ANO4: variants seen among roughly 807,000 people sequenced by gnomAD.
ANO4 encodes the protein anoctamin-4.
ANO4 carries 69 observed loss-of-function variants against 141.9 expected under a neutral mutation model. The observed-to-expected ratio is 0.49, with a 90% CI of 0.40 to 0.59. The LOEUF (loss-of-function observed/expected upper bound fraction) is 0.59. Among genes scored for constraint, ANO4 ranks in the 20% least tolerant of loss-of-function variants. ANO4 has a pLI of 0.00. For missense variants in ANO4, 894 were observed against 1,162.2 expected, an observed-to-expected ratio of 0.77 and a Z score of 3.36; for synonymous variants, 350 against 394.3, an observed-to-expected ratio of 0.89 and a Z score of 1.33.
At chr12:100,729,360 C>CAAAAAAAAAAAAAAAAAAAAAA (rs1156522144) in intron 1 of ANO4, among the ~76,000 whole-genome samples, 3 of 22,568 alleles carry the variant, frequency 1.3e-4, no homozygotes, top group Admixed American at 9.2e-4. Flanking sequence ...AACTCTGTCT[C>CAAAAAAAAAAAAAAAAAAAAAA]AAAAAAAAAA....
intron 9 of ANO4, among the ~76,000 whole-genome samples, chr12:101,036,833 A>G (rs1185364103): frequency 1.3e-5 from 2 of 152,354 alleles, no homozygotes; most frequent in Middle Eastern, 3.4e-3. Flanking sequence ...CATAATGTAT[A>G]TGCATATCAA....
At chr12:101,075,199 T>C (rs1227255648) in intron 14 of ANO4, among the ~76,000 whole-genome samples, 4 of 151,986 alleles carry the variant, frequency 2.6e-5, no homozygotes, top group East Asian at 1.9e-4. Flanking sequence ...GCTAAGGAAA[T>C]GGTGTGGGCA....
intron 1 of ANO4, among the ~76,000 whole-genome samples, chr12:100,886,569 C>G (rs2135974241): frequency 6.6e-6 from 1 of 152,230 alleles, no homozygotes; most frequent in East Asian, 1.9e-4. Context: ...CAATACCCAC[C>G]ACTCTCTTTG....
intron 8 of ANO4, among the ~76,000 whole-genome samples, chr12:101,004,509 C>T (rs867757027): frequency 6.6e-6 from 1 of 152,156 alleles, no homozygotes; most frequent in African/African-American, 2.4e-5. Context: ...ACCTGTTCTC[C>T]CTTCCAGTCT....
At chr12:100,766,240 C>G (rs181486827) in intron 3 of ANO4, among the ~76,000 whole-genome samples, 2 of 152,142 alleles carry the variant, frequency 1.3e-5, no homozygotes, top group East Asian at 3.9e-4. Context: ...GTTGTCTGTG[C>G]TCTTATTTCT....
At chr12:101,055,768 A>G (rs1324967663) in intron 14 of ANO4, among the ~76,000 whole-genome samples, 2 of 151,996 alleles carry the variant, frequency 1.3e-5, no homozygotes, top group African/African-American at 4.8e-5. Flanking sequence ...TTTCGTCTAT[A>G]TTGTCTTCTA....
chr12:100,958,741 G>T (rs908791773), intron 5 of ANO4, among the ~76,000 whole-genome samples: 1 of 152,170 alleles, frequency 6.6e-6, no homozygotes, highest in Non-Finnish European at 1.5e-5. Context: ...CGAGCTACTT[G>T]GGAGGCTGAG....
intron 14 of ANO4, among the ~76,000 whole-genome samples, chr12:101,050,404 G>T (rs1475724521): frequency 1.3e-5 from 2 of 152,092 alleles, no homozygotes; most frequent in Non-Finnish European, 2.9e-5. Context: ...TACCCTTAAT[G>T]CTTCTCTGTC....
At chr12:100,901,023 A>G (rs1243285748) in intron 1 of ANO4, among the ~76,000 whole-genome samples, 1 of 152,208 alleles carries the variant, frequency 6.6e-6, no homozygotes, top group Non-Finnish European at 1.5e-5. Context: ...GATGTAATCA[A>G]TTCTACTTTT....
intron 1 of ANO4, among the ~76,000 whole-genome samples, chr12:100,817,310 A>G (rs1010214516): frequency 6.6e-6 from 1 of 151,918 alleles, no homozygotes; most frequent in Non-Finnish European, 1.5e-5. Context: ...TATTAATAAT[A>G]TAACTGGTTT....
chr12:100,906,920 G>A (rs578027993), intron 2 of ANO4, among the ~76,000 whole-genome samples: 72 of 152,288 alleles, frequency 4.7e-4, no homozygotes, highest in African/African-American at 1.7e-3. Flanking sequence ...TGACCACTGG[G>A]AAGATCCAGG....
intron 3 of ANO4, among the ~76,000 whole-genome samples, chr12:100,744,376 G>A (rs958052080): frequency 2.0e-5 from 3 of 152,168 alleles, no homozygotes; most frequent in Non-Finnish European, 2.9e-5. Flanking sequence ...GGCACTGACC[G>A]ATTTGGCGTC....
At position 100,841,108 on chromosome 12, in the gene ANO4, A is replaced by G. The variant is rs538223045; in HGVS notation, c.-141+46081A>G. Among the ~76,000 whole-genome samples the G allele has an allele frequency of 2.4e-4, 37 of 152,284 alleles. No individual in the cohort carries two copies. The South Asian group carries it at 5.4e-3, about 22-fold the overall frequency. On this transcript the variant is annotated intron_variant, in intron 1 of 27. Coordinates refer to ENST00000392977, the MANE Select transcript of ANO4 (RefSeq NM_001286615.2). ...CTGTGCCTCATCATATAGTTACTGA[A>G]CCAGAAATGAGGGGAGAAGATCTCA...
intron 1 of ANO4, among the ~76,000 whole-genome samples, chr12:100,872,302 A>G (rs1287247195): frequency 6.6e-6 from 1 of 152,216 alleles, no homozygotes; most frequent in Non-Finnish European, 1.5e-5. Context: ...GGATCCTGTC[A>G]TAGTCAGAGT....
At chr12:100,786,755 T>G (rs913685818) in intron 3 of ANO4, among the ~76,000 whole-genome samples, 8 of 152,220 alleles carry the variant, frequency 5.3e-5, no homozygotes, top group African/African-American at 1.9e-4. Context: ...TGGGATAAAT[T>G]AATGCCTGTG....
intron 3 of ANO4, among the ~76,000 whole-genome samples, chr12:100,930,265 G>A (rs1030639524): frequency 6.6e-6 from 1 of 152,094 alleles, no homozygotes; most frequent in Non-Finnish European, 1.5e-5. Context: ...CCAGTCCAAT[G>A]TTCTGGAGAG....
chr12:101,063,479 A>G (rs1016210013), intron 14 of ANO4, among the ~76,000 whole-genome samples: 1 of 152,228 alleles, frequency 6.6e-6, no homozygotes, highest in East Asian at 1.9e-4. Flanking sequence ...TTGCTAAAAT[A>G]CTTTCAGGAT....
intron 8 of ANO4, among the ~76,000 whole-genome samples, chr12:101,005,863 T>A (rs2045850412): frequency 6.6e-6 from 1 of 152,150 alleles, no homozygotes; most frequent in South Asian, 2.1e-4. Flanking sequence ...CTCTTACTTT[T>A]TTCTTCTCTT....
intron 8 of ANO4, among the ~76,000 whole-genome samples, chr12:101,006,860 A>G (rs2136427899): frequency 6.6e-6 from 1 of 152,320 alleles, no homozygotes; most frequent in Admixed American, 6.5e-5. Flanking sequence ...GAGAAACTTC[A>G]ATTATATTTG....
Sources: gnomAD v4.1 joint callset for allele counts (sites outside exome capture counted in the v4.1 genomes callset) on GRCh38, gnomAD v4.1.1 for gene constraint, MANE v1.5 for transcripts, NCBI Gene and HGNC (gene_info 2026-07-23, HGNC 2026-07-21) for gene names.